The following CNTNAP2 variants were observed in gnomAD, a reference collection of about 807,000 sequenced individuals.
CNTNAP2 encodes contactin associated protein 2.
Under a neutral mutation model 155.2 loss-of-function variants are expected in CNTNAP2, and 98 were observed. That is an observed-to-expected ratio of 0.63 (90% CI 0.54 to 0.75). The LOEUF is 0.75. CNTNAP2 is among the 30% of genes least tolerant of loss of function. CNTNAP2 has a pLI of 0.00. For missense variants in CNTNAP2, 1,727 were observed against 1,688.1 expected, an observed-to-expected ratio of 1.02 and a Z score of -0.40; for synonymous variants, 651 against 631.2, an observed-to-expected ratio of 1.03 and a Z score of -0.47.
chr7:147,035,438 G>T (rs1799137082), intron 3 of CNTNAP2, among the ~76,000 whole-genome samples: 1 of 152,178 alleles, frequency 6.6e-6, no homozygotes, highest in Non-Finnish European at 1.5e-5. Context: ...CTAAAATCTG[G>T]CAAGAAATAA....
intron 1 of CNTNAP2, among the ~76,000 whole-genome samples, chr7:146,683,344 TA>T (rs1388493029): frequency 6.6e-6 from 1 of 152,240 alleles, no homozygotes; most frequent in Non-Finnish European, 1.5e-5. Context: ...AGTCGTTACC[TA>T]AAATATTTCA....
chr7:148,187,027 G>A (rs573738129), intron 18 of CNTNAP2, among the ~76,000 whole-genome samples: 1 of 152,072 alleles, frequency 6.6e-6, no homozygotes, highest in South Asian at 2.1e-4. Context: ...GCAGGCCTAA[G>A]TCCTAAAAGT....
intron 1 of CNTNAP2, among the ~76,000 whole-genome samples, chr7:146,537,284 TAAA>T (rs528260313): frequency 6.6e-6 from 1 of 152,026 alleles, no homozygotes; most frequent in Non-Finnish European, 1.5e-5. Flanking sequence ...AATGTTAAAT[TAAA>T]AAAAGTTTTC....
intron 13 of CNTNAP2, among the ~76,000 whole-genome samples, chr7:147,687,004 G>A (rs575391897): frequency 3.3e-4 from 50 of 152,050 alleles, no homozygotes; most frequent in African/African-American, 1.1e-3. Context: ...AAAATAGGTA[G>A]GAGAGAATAA....
intron 15 of CNTNAP2, among the ~76,000 whole-genome samples, chr7:148,107,453 G>A (rs533770862): frequency 6.6e-6 from 1 of 152,280 alleles, no homozygotes; most frequent in Non-Finnish European, 1.5e-5. Context: ...CTTGCTGGAC[G>A]GGAAGAAATG....
chr7:147,872,740 G>T (rs1284666974), intron 13 of CNTNAP2, among the ~76,000 whole-genome samples: 1 of 152,018 alleles, frequency 6.6e-6, no homozygotes, highest in South Asian at 2.1e-4. Flanking sequence ...TTTTTTGGGG[G>T]CGTAGATTAC....
intron 21 of CNTNAP2, among the ~76,000 whole-genome samples, chr7:148,370,640 T>A (rs75427438): frequency 1.9e-4 from 14 of 71,872 alleles, no homozygotes; most frequent in Middle Eastern, 6.2e-3. Flanking sequence ...GGTCCCCCCC[T>A]ACCCCTGCCC....
chr7:146,456,753 A>G (rs528099375), intron 1 of CNTNAP2, among the ~76,000 whole-genome samples: 1 of 152,262 alleles, frequency 6.6e-6, no homozygotes, highest in Non-Finnish European at 1.5e-5. Context: ...TTTAAAATAA[A>G]TCTTAGGGTT....
chr7:147,327,241 T>C (rs1795477640), intron 9 of CNTNAP2, among the ~76,000 whole-genome samples: 1 of 152,190 alleles, frequency 6.6e-6, no homozygotes, highest in Non-Finnish European at 1.5e-5. Flanking sequence ...CTAATCCTCA[T>C]GATAGCCCTA....
intron 1 of CNTNAP2, among the ~76,000 whole-genome samples, chr7:146,615,336 C>G (rs545059585): frequency 1.2e-3 from 184 of 152,244 alleles, no homozygotes; most frequent in Non-Finnish European, 1.8e-3. Context: ...GTTATGTCCC[C>G]AAACAGGAAT....
At chr7:146,974,955 G>C (rs1797878896) in intron 3 of CNTNAP2, among the ~76,000 whole-genome samples, 1 of 152,110 alleles carries the variant, frequency 6.6e-6, no homozygotes, top group South Asian at 2.1e-4. Flanking sequence ...CTGGGTGACA[G>C]AGAGAGACTC....
intron 11 of CNTNAP2, among the ~76,000 whole-genome samples, chr7:147,495,302 T>G (rs1258324046): frequency 1.3e-5 from 2 of 152,194 alleles, no homozygotes; most frequent in Non-Finnish European, 2.9e-5. Flanking sequence ...AAATTTTGAA[T>G]TGATTGTTTA....
At chr7:147,563,975 A>T (rs150247203) in intron 12 of CNTNAP2, among the ~76,000 whole-genome samples, 2 of 152,160 alleles carry the variant, frequency 1.3e-5, no homozygotes, top group Admixed American at 6.5e-5. Context: ...TATGGAAGAC[A>T]TGTGGAGAAG....
intron 1 of CNTNAP2, among the ~76,000 whole-genome samples, chr7:146,635,558 G>T (rs1799583137): frequency 1.3e-5 from 2 of 152,160 alleles, no homozygotes. Context: ...GAAGAAAATT[G>T]TATTCATCAG....
intron 4 of CNTNAP2, among the ~76,000 whole-genome samples, chr7:147,064,929 T>C (rs977002249): frequency 6.6e-6 from 1 of 152,192 alleles, no homozygotes; most frequent in African/African-American, 2.4e-5. Context: ...TGAAATAAGC[T>C]GATGAAAGTG....
chr7:146,225,021 C>T (rs1799269843), intron 1 of CNTNAP2, among the ~76,000 whole-genome samples: 2 of 151,902 alleles, frequency 1.3e-5, no homozygotes, highest in Admixed American at 1.3e-4. Context: ...TATGTGATTA[C>T]ATTTAGGGAG....
At chr7:147,071,680 C>T (rs901310296) in intron 4 of CNTNAP2, among the ~76,000 whole-genome samples, 5 of 152,086 alleles carry the variant, frequency 3.3e-5, no homozygotes, top group Non-Finnish European at 7.4e-5. Flanking sequence ...AAGAGTGAGA[C>T]ATGTGGAAAA....
chr7:147,664,014 C>T (rs1198985116), intron 13 of CNTNAP2, among the ~76,000 whole-genome samples: 2 of 152,122 alleles, frequency 1.3e-5, no homozygotes, highest in African/African-American at 2.4e-5. Flanking sequence ...TGTAGTAAAA[C>T]GTGTTTAACC....
intron 2 of CNTNAP2, among the ~76,000 whole-genome samples, chr7:146,806,678 A>C (rs1802973251): frequency 6.6e-6 from 1 of 152,154 alleles, no homozygotes; most frequent in African/African-American, 2.4e-5. Flanking sequence ...GATTTTATCT[A>C]ATCTATAGAG....
Sources: allele counts gnomAD v4.1 joint callset (sites outside exome capture counted in the v4.1 genomes callset), GRCh38; gene constraint gnomAD v4.1.1; transcripts MANE v1.5; gene names NCBI Gene and HGNC (gene_info 2026-07-23, HGNC 2026-07-21).